Variants in PATJ observed in about 807,000 individuals in gnomAD.
PATJ encodes PATJ crumbs cell polarity complex component.
Under a neutral mutation model 224.9 loss-of-function variants are expected in PATJ, and 190 were observed. The observed-to-expected ratio is 0.84, with a 90% CI of 0.75 to 0.95. PATJ has a LOEUF of 0.95. Among genes scored for constraint, PATJ ranks in the 40% least tolerant of loss-of-function variants. The pLI is 0.00. For missense variants in PATJ, 2,121 were observed against 2,270.3 expected (o/e 0.93, Z 1.34); for synonymous variants, 769 against 820.3 (o/e 0.94, Z 1.07).
rs190318508 is a variant in PATJ at position 62,031,941 on chromosome 1, C to T, written c.3960-6036C>T. Among the ~76,000 whole-genome samples, 948 of 152,212 alleles carry T rather than the reference C, an allele frequency of 6.2e-3. 8 individuals are homozygous for T. Among genetic ancestry groups the T allele is most frequent in the African/African-American group, 0.021 (889 of 41,506 alleles). ...AATGTTATGTTTCTAGTTATATTTC[C>T]GGTGACCATGTTTTCCAAATCAAAA... is the stretch of plus-strand genomic sequence containing the variant. On this transcript the variant is annotated intron_variant, in intron 29 of 43. Transcript: ENST00000642238.
intron 17 of PATJ, among the ~76,000 whole-genome samples, chr1:61,854,706 C>T (rs984050534): frequency 6.6e-6 from 1 of 152,204 alleles, no homozygotes; most frequent in Admixed American, 6.5e-5. Flanking sequence ...AATTTGCCTA[C>T]ATCCTGGAGA....
intron 27 of PATJ, among the ~76,000 whole-genome samples, chr1:61,970,426 T>C (rs192760297): frequency 4.4e-4 from 67 of 152,224 alleles, no homozygotes; most frequent in Non-Finnish European, 4.9e-4. Context: ...TCACTCTTGG[T>C]ATATGTTCTG....
chr1:62,002,634 G>A (rs9659713), intron 28 of PATJ, among the ~76,000 whole-genome samples: 28,008 of 150,770 alleles, frequency 0.19, 2,748 homozygotes, highest in Non-Finnish European at 0.21. Flanking sequence ...ACTTGAACCC[G>A]GGAGGCAGAG....
intron 31 of PATJ, among the ~76,000 whole-genome samples, chr1:62,070,241 A>G (rs933525460): frequency 6.6e-6 from 1 of 152,172 alleles, no homozygotes; most frequent in South Asian, 2.1e-4. Flanking sequence ...TCTGTTTACG[A>G]GGCAGGTTAG....
At chr1:61,814,545 T>TGCGCGC (rs767050477) in intron 14 of PATJ, among the ~76,000 whole-genome samples, 2 of 138,622 alleles carry the variant, frequency 1.4e-5, no homozygotes, top group African/African-American at 5.7e-5. Flanking sequence ...TGTGTGTGTG[T>TGCGCGC]GTGCGCGCGC....
chr1:61,805,399 C>G (rs1464300536), intron 12 of PATJ, 49 bp from the exon 13 acceptor site: 1 of 1,155,640 alleles, frequency 8.7e-7, no homozygotes. Context: ...GTTTGGCTCA[C>G]AGTAGTTTCA....
In PATJ at chr1:61,913,120, A is replaced by G. The variant is rs199587074; in HGVS notation, c.3493-1467A>G. ...ATTCTATATTAAAAATGAAAATTTA[A>G]TCTTAAATTGCATTTAGGGGAAAAT... On this transcript the variant is annotated intron_variant, in intron 25 of 43. Coordinates refer to ENST00000642238, the MANE Select transcript of PATJ (RefSeq NM_001350145.3). Among the ~76,000 whole-genome samples the G allele has an allele frequency of 3.9e-5, 6 of 152,288 alleles. No homozygotes were observed. The East Asian group carries it at 1.2e-3, about 29-fold the overall frequency.
intron 14 of PATJ, among the ~76,000 whole-genome samples, chr1:61,810,868 G>A (rs1289150792): frequency 6.6e-6 from 1 of 151,960 alleles, no homozygotes; most frequent in Non-Finnish European, 1.5e-5. Flanking sequence ...ATGTTGCAAT[G>A]AGCTGAGATC....
At chr1:61,882,056 T>C (rs577240039) in intron 21 of PATJ, among the ~76,000 whole-genome samples, 2 of 152,316 alleles carry the variant, frequency 1.3e-5, no homozygotes, top group African/African-American at 4.8e-5. Context: ...TGCTAGTGCT[T>C]TCTGTATAAG....
At chr1:61,835,696 G>A (rs549720417) in intron 17 of PATJ, among the ~76,000 whole-genome samples, 3 of 152,074 alleles carry the variant, frequency 2.0e-5, no homozygotes, top group East Asian at 1.9e-4. Context: ...GAGCTACCAC[G>A]CCCAGCCTAG....
In PATJ at chr1:62,089,404, C is replaced by T. The variant is rs74557697; in HGVS notation, c.4377+4756C>T. Among the ~76,000 whole-genome samples, 459 of 146,478 alleles carry T rather than the reference C, an allele frequency of 3.1e-3. 18 individuals are homozygous for T. In the East Asian group the frequency reaches 0.084, roughly 27 times the overall value. On this transcript the variant is annotated intron_variant, in intron 33 of 43. Coordinates refer to ENST00000642238, the MANE Select transcript of PATJ (RefSeq NM_001350145.3). ...GAGGCAGCTAAAAAAAAAAAAAAAT[C>T]AAGAGCTTCTTGAGGTTCGTAATAT...
intron 1 of PATJ, among the ~76,000 whole-genome samples, chr1:61,752,311 C>CTTTTTTTTTTTTT (rs370759266): frequency 8.1e-6 from 1 of 124,018 alleles, no homozygotes; most frequent in South Asian, 2.5e-4. Context: ...TCATTTCTTT[C>CTTTTTTTTTTTTT]TTTTTTTTTT....
At chr1:61,814,910 A>G (rs1655796637) in intron 14 of PATJ, among the ~76,000 whole-genome samples, 1 of 152,132 alleles carries the variant, frequency 6.6e-6, no homozygotes, top group Admixed American at 6.5e-5. Context: ...CCATTCCTGA[A>G]CTATTTACTG....
intron 18 of PATJ, among the ~76,000 whole-genome samples, chr1:61,860,944 C>G (rs1425700390): frequency 6.6e-6 from 1 of 151,824 alleles, no homozygotes; most frequent in Non-Finnish European, 1.5e-5. Context: ...TGGCAAATTA[C>G]TGTGTCCACT....
chr1:61,994,966 T>C (rs1237269183), intron 28 of PATJ, among the ~76,000 whole-genome samples: 1 of 152,206 alleles, frequency 6.6e-6, no homozygotes, highest in African/African-American at 2.4e-5. Context: ...TTTTTATAAC[T>C]CAGAAAAATT....
chr1:62,039,210 C>A (rs1362014825), intron 30 of PATJ: 1 of 440,390 alleles, frequency 2.3e-6, no homozygotes, highest in Non-Finnish European at 4.4e-6. Flanking sequence ...TTAGGCCATT[C>A]ATTTAATGTG....
At position 61,982,579 on chromosome 1, in the gene PATJ, A is replaced by C. The variant is rs1043127468; in HGVS notation, c.3671-7589A>C. ...TTTCATATAAGGAGGTATTGTGACC[A>C]TGTGAGGATTCTGACGATAGCTTCT... On this transcript the variant is annotated intron_variant, in intron 27 of 43. Coordinates refer to ENST00000642238, the MANE Select transcript of PATJ (RefSeq NM_001350145.3). Among the ~76,000 whole-genome samples the C allele has an allele frequency of 2.6e-5, 4 of 152,114 alleles. No individual in the cohort carries two copies. In the East Asian group the frequency reaches 7.7e-4, roughly 29 times the overall value.
chr1:61,824,774 A>G (rs1030795574), intron 15 of PATJ, among the ~76,000 whole-genome samples: 1 of 152,096 alleles, frequency 6.6e-6, no homozygotes. Context: ...AGTATAAATC[A>G]CTACTAGTAT....
At chr1:61,827,757 A>T (rs567056530) in intron 16 of PATJ, among the ~76,000 whole-genome samples, 174 bp downstream of exon 16, 21 of 152,242 alleles carry the variant, frequency 1.4e-4, no homozygotes, top group African/African-American at 4.1e-4. Context: ...AACATCAAAA[A>T]ATTCTTTCCT....
Sources: allele counts gnomAD v4.1 joint callset (sites outside exome capture counted in the v4.1 genomes callset), GRCh38; gene constraint gnomAD v4.1.1; transcripts MANE v1.5; gene names NCBI Gene and HGNC (gene_info 2026-07-23, HGNC 2026-07-21).